HNRNPA3: variants seen among roughly 807,000 people sequenced by gnomAD.
HNRNPA3 encodes the protein epididymis secretory sperm binding protein.
HNRNPA3 carries 3 observed loss-of-function variants against 45.8 expected under a neutral mutation model. The ratio of observed to expected loss-of-function variants is 0.07; its 90% CI spans 0.03 to 0.17. The LOEUF (loss-of-function observed/expected upper bound fraction) is 0.17, where lower values mean the gene tolerates loss of function less well. Ranked by LOEUF, HNRNPA3 falls within the 10% of genes least tolerant of loss-of-function variation. HNRNPA3 has a pLI of 1.00. For synonymous variants in HNRNPA3, 170 were observed against 155.6 expected (o/e 1.09, Z -0.69); for missense variants, 183 against 480.3 (o/e 0.38, Z 5.79).
At chr2:177,214,189 C>G (rs1196997434) in intron 1 of HNRNPA3, among the ~76,000 whole-genome samples, 1 of 152,214 alleles carries the variant, frequency 6.6e-6, no homozygotes, top group East Asian at 1.9e-4. Flanking sequence ...CATCTTAATT[C>G]TTAAAAATCT....
chr2:177,222,275 C>G (rs532325272), downstream of HNRNPA3: 1 of 152,266 alleles, frequency 6.6e-6, no homozygotes, highest in Admixed American at 6.5e-5. Context: ...GTACCATGTC[C>G]TACACGTTTT....
chr2:177,220,733 ATTTC>A (rs1159396266), downstream of HNRNPA3: 1 of 152,546 alleles, frequency 6.6e-6, no homozygotes, highest in East Asian at 1.9e-4. Context: ...ACACACTGTT[ATTTC>A]TTGTGTATAT....
At chr2:177,213,230 A>G (rs1255625641) in intron 1 of HNRNPA3, among the ~76,000 whole-genome samples, 1 of 152,190 alleles carries the variant, frequency 6.6e-6, no homozygotes, top group Non-Finnish European at 1.5e-5. Context: ...GAGCAGGCAC[A>G]TCCGGGCGAG....
At chr2:177,218,644 T>A (rs1382860028) in intron 8 of HNRNPA3, among the ~76,000 whole-genome samples, 1 of 152,214 alleles carries the variant, frequency 6.6e-6, no homozygotes, top group African/African-American at 2.4e-5. Context: ...TGTAGGTCAT[T>A]AAGCCACAAT....
chr2:177,217,946 T>C (rs1206947658), intron 8 of HNRNPA3, 101 bp downstream of exon 8: 4 of 1,182,366 alleles, frequency 3.4e-6, no homozygotes, highest in Non-Finnish European at 4.6e-6. Context: ...GATCAAATTT[T>C]ATGTTCTATA....
chr2:177,217,582 G>A, intron 7 of HNRNPA3, 123 bp from the exon 8 acceptor site: 3 of 1,146,194 alleles, frequency 2.6e-6, no homozygotes, highest in East Asian at 2.4e-5. Flanking sequence ...TGCTGTGGTT[G>A]CACCACTGTA....
chr2:177,221,933 T>G (rs1689200076), downstream of HNRNPA3: 1 of 152,684 alleles, frequency 6.5e-6, no homozygotes, highest in African/African-American at 2.4e-5. Flanking sequence ...CCACAGTCAC[T>G]AGGTCTAGCA....
intron 7 of HNRNPA3, among the ~76,000 whole-genome samples, chr2:177,217,471 G>C (rs557917975): frequency 2.0e-5 from 3 of 152,246 alleles, no homozygotes; most frequent in Admixed American, 2.0e-4. Flanking sequence ...CGTATATCTA[G>C]AAAAATAAAA....
At chr2:177,223,472 G>A (rs960306271), downstream of HNRNPA3, 17 of 151,688 alleles carry the variant, frequency 1.1e-4, no homozygotes, top group African/African-American at 3.9e-4. Flanking sequence ...GTAAGTTACT[G>A]CTTCTAATAT....
chr2:177,213,594 C>G (rs140915994), intron 1 of HNRNPA3, among the ~76,000 whole-genome samples: 1 of 152,222 alleles, frequency 6.6e-6, no homozygotes, highest in Non-Finnish European at 1.5e-5. Context: ...AAAGTACTTA[C>G]ATTACACTTC....
At chr2:177,218,968 T>A (rs1283718341) in intron 8 of HNRNPA3, 69 bp from the exon 9 acceptor site, 13 of 1,572,120 alleles carry the variant, frequency 8.3e-6, no homozygotes, top group South Asian at 6.9e-5. Context: ...AAGATAATAG[T>A]TACATACGTT....
At position 177,216,482 on chromosome 2, in the gene HNRNPA3, TTTGA is replaced by T. The variant is rs756401777; in HGVS notation, c.554-16_554-13del. ...AAACATAAAATAACTTTTTGTTTTGTTTGATTGAAAAAAAATTTAGTTCAGAAAT... is the reference window on the plus strand; with the variant it reads ...AAACATAAAATAACTTTTTGTTTTGTTTGAAAAAAAATTTAGTTCAGAAAT... On this transcript the variant is annotated splice_polypyrimidine_tract_variant and intron_variant, in intron 4 of 10. Coordinates refer to ENST00000392524, the Ensembl canonical transcript of HNRNPA3. 238 of 1,581,160 alleles carry T rather than the reference TTTGA, an allele frequency of 1.5e-4. 1 individual carries two copies. The highest frequency in any genetic ancestry group is 1.9e-4 in the Non-Finnish European group (214 of 1,152,874).
chr2:177,220,190 C>G (rs1457734196), downstream of HNRNPA3: 1 of 152,530 alleles, frequency 6.6e-6, no homozygotes, highest in Non-Finnish European at 1.5e-5. Context: ...GTGTGTTAGA[C>G]TTGCTGAGTC....
chr2:177,219,984 A>C (rs555592482), exon 11 of HNRNPA3: 1 of 152,760 alleles, frequency 6.5e-6, no homozygotes, highest in African/African-American at 2.4e-5. Flanking sequence ...AAACCATGAT[A>C]TGAATGGGCG....
At chr2:177,220,528 C>T (rs952934136), downstream of HNRNPA3, 2 of 153,076 alleles carry the variant, frequency 1.3e-5, no homozygotes, top group African/African-American at 4.8e-5. Flanking sequence ...TGTTATTAAA[C>T]CCCTAACTGG....
chr2:177,215,150 T>C (rs1688877869), intron 1 of HNRNPA3, among the ~76,000 whole-genome samples: 1 of 152,162 alleles, frequency 6.6e-6, no homozygotes, highest in African/African-American at 2.4e-5. Flanking sequence ...TGGCCCAGGC[T>C]GGAGTGTAAT....
intron 9 of HNRNPA3, 43 bp downstream of exon 9, chr2:177,219,202 T>G (rs778679454): frequency 3.1e-6 from 5 of 1,609,852 alleles, no homozygotes; most frequent in Admixed American, 1.7e-5. Context: ...CTTTTTAATT[T>G]AAAAAATGTG....
intron 7 of HNRNPA3, 121 bp downstream of exon 7, chr2:177,217,061 C>T (rs1029929661): frequency 3.0e-5 from 32 of 1,078,050 alleles, no homozygotes; most frequent in Non-Finnish European, 4.1e-5. Context: ...AGGTGTATTT[C>T]CAAACTGTAC....
At chr2:177,213,198 G>T (rs1340837029) in intron 1 of HNRNPA3, among the ~76,000 whole-genome samples, 1 of 152,080 alleles carries the variant, frequency 6.6e-6, no homozygotes, top group Non-Finnish European at 1.5e-5. Flanking sequence ...TTGGGAGGAG[G>T]TGGTGGGGGA....
Sources: allele counts gnomAD v4.1 joint callset (sites outside exome capture counted in the v4.1 genomes callset), GRCh38; gene constraint gnomAD v4.1.1; transcripts MANE v1.5; gene names NCBI Gene and HGNC (gene_info 2026-07-23, HGNC 2026-07-21).